The following SOCS7 variants were observed in gnomAD, a reference collection of about 807,000 sequenced individuals.
The protein encoded by SOCS7 is suppressor of cytokine signaling 7, also known as NAP-4.
A neutral mutation model predicts 58.9 loss-of-function variants in SOCS7; 18 were observed. The ratio of observed to expected loss-of-function variants is 0.31; its 90% CI spans 0.21 to 0.45. The LOEUF (loss-of-function observed/expected upper bound fraction) is 0.45. SOCS7 is among the 20% of genes least tolerant of loss of function. The pLI is 1.00. For missense variants in SOCS7, 667 were observed against 837.3 expected, an observed-to-expected ratio of 0.80 and a Z score of 2.51; for synonymous variants, 388 against 364.3, an observed-to-expected ratio of 1.06 and a Z score of -0.74.
At chr17:38,370,108 G>A (rs901445871) in intron 6 of SOCS7, among the ~76,000 whole-genome samples, 2 of 150,972 alleles carry the variant, frequency 1.3e-5, no homozygotes, top group Non-Finnish European at 3.0e-5. Flanking sequence ...AGCAATTCTT[G>A]TAACTCAACC....
intron 2 of SOCS7, among the ~76,000 whole-genome samples, chr17:38,362,044 G>A (rs1555567678): frequency 6.6e-6 from 1 of 152,122 alleles, no homozygotes; most frequent in African/African-American, 2.4e-5. Context: ...CTTAGTTCAG[G>A]GTCATCACAT....
At chr17:38,396,823 T>C (rs1421333463) in intron 9 of SOCS7, among the ~76,000 whole-genome samples, 1 of 152,234 alleles carries the variant, frequency 6.6e-6, no homozygotes, top group Non-Finnish European at 1.5e-5. Flanking sequence ...TGCTTTCTTC[T>C]GGTGTGGATC....
At chr17:38,387,133 G>GTGTGTATATATATATATATATATATATA (rs1269515665) in intron 7 of SOCS7, among the ~76,000 whole-genome samples, 8 of 73,450 alleles carry the variant, frequency 1.1e-4, no homozygotes, top group Non-Finnish European at 1.7e-4. Context: ...ATATATGTAT[G>GTGTGTATATATATATATATATATATATA]TATATATATA....
chr17:38,376,730 G>A (rs1158565442), intron 6 of SOCS7, among the ~76,000 whole-genome samples: 5 of 145,508 alleles, frequency 3.4e-5, no homozygotes, highest in Non-Finnish European at 7.5e-5. Flanking sequence ...AGACCCTGTC[G>A]CAAAAAAAAA....
Position 38,395,849 on chromosome 17 carries a change from C to A in SOCS7, c.1819C>A (p.Pro607Thr). The A allele has an allele frequency of 6.2e-7, 1 of 1,609,198 alleles. No homozygotes were observed. The highest frequency in any genetic ancestry group is 8.5e-7 in the Non-Finnish European group (1 of 1,178,736). The change falls in exon 9 of 10, where the codon CCT becomes ACT. Residue 607 changes from proline to threonine, a missense_variant and splice_region_variant. Transcript: ENST00000612932. Reference sequence around the variant, plus strand: ...ATATCCGTCATTTGTTTTTCACAGACCTCTGATCTCTTATATCCGAAAGTT... The same window carrying A: ...ATATCCGTCATTTGTTTTTCACAGAACTCTGATCTCTTATATCCGAAAGTT... Reference protein sequence around the residue: ...DHIPDLPLPKPLISYIRKFYY... With the variant: ...DHIPDLPLPKTLISYIRKFYY...
In SOCS7 at chr17:38,352,594, T is replaced by C. The variant is rs1335620772; in HGVS notation, c.542T>C (p.Leu181Pro). The C allele has an allele frequency of 6.5e-7, 1 of 1,549,892 alleles. No homozygotes were observed. The highest frequency in any genetic ancestry group is 2.4e-5 in the East Asian group (1 of 40,906). The change falls in exon 1 of 10, where the codon CTG becomes CCG. Residue 181 changes from leucine to proline, a missense_variant. Leu to Pro is a moderately conservative substitution (Grantham distance 98). Transcript: ENST00000612932. This position sits in a 1 kb window ranked among gnomAD's most constrained non-coding sequence, Gnocchi z 5.5. ...GAAACGAGCGACGCGCTGCTGGTCC[T>C]GGAGGGCTTGGAATCGGAGGCCGAG... Reference protein sequence around the residue: ...PTETSDALLVLEGLESEAESL... With the variant: ...PTETSDALLVPEGLESEAESL...
At chr17:38,389,923 A>T (rs1438816483) in intron 7 of SOCS7, among the ~76,000 whole-genome samples, 1 of 128,096 alleles carries the variant, frequency 7.8e-6, no homozygotes. Context: ...AGAGAGAGAG[A>T]GAGAGTGAGA....
intron 6 of SOCS7, among the ~76,000 whole-genome samples, chr17:38,374,521 T>A (rs1567743188): frequency 6.6e-6 from 1 of 152,088 alleles, no homozygotes; most frequent in East Asian, 1.9e-4. Context: ...GAAAAAGTTG[T>A]GAAAGCCATC....
At chr17:38,397,915 G>C (rs973538119) in intron 9 of SOCS7, among the ~76,000 whole-genome samples, 2 of 152,240 alleles carry the variant, frequency 1.3e-5, no homozygotes, top group East Asian at 3.9e-4. Context: ...TGCCATTTCA[G>C]CCGATACCCA....
At chr17:38,373,615 T>C (rs1335418270) in intron 6 of SOCS7, among the ~76,000 whole-genome samples, 1 of 152,208 alleles carries the variant, frequency 6.6e-6, no homozygotes, top group African/African-American at 2.4e-5. Flanking sequence ...AACCTTTTTT[T>C]CTGGATTGGT....
chr17:38,358,524 C>A (rs764154650), intron 1 of SOCS7, among the ~76,000 whole-genome samples: 3 of 151,868 alleles, frequency 2.0e-5, no homozygotes, highest in Admixed American at 1.3e-4. Context: ...TTACATCTTA[C>A]CCCTCCCCCA....
At chr17:38,374,995 A>G (rs2037913447) in intron 6 of SOCS7, among the ~76,000 whole-genome samples, 1 of 152,154 alleles carries the variant, frequency 6.6e-6, no homozygotes, top group African/African-American at 2.4e-5. Flanking sequence ...TGGAGGCTCA[A>G]GCCTGTAATC....
At chr17:38,373,794 G>A (rs563449914) in intron 6 of SOCS7, among the ~76,000 whole-genome samples, 1 of 152,336 alleles carries the variant, frequency 6.6e-6, no homozygotes, top group Admixed American at 6.5e-5. Flanking sequence ...CGCTAATTCA[G>A]CCTTTAGATC....
chr17:38,370,070 C>T (rs367560490), intron 6 of SOCS7, among the ~76,000 whole-genome samples: 3 of 152,034 alleles, frequency 2.0e-5, no homozygotes, highest in East Asian at 1.9e-4. Context: ...GGATTACAGG[C>T]GTGAGCCACC....
At chr17:38,395,255 G>A (rs919588881) in intron 7 of SOCS7, 54 bp from the exon 8 acceptor site, 2 of 1,591,056 alleles carry the variant, frequency 1.3e-6, no homozygotes, top group Admixed American at 3.4e-5. Flanking sequence ...ACAAGAAATG[G>A]TAGTTAGCTC....
intron 6 of SOCS7, among the ~76,000 whole-genome samples, chr17:38,371,754 G>GTTTTTTTTTTT (rs770296566): frequency 1.4e-5 from 1 of 72,196 alleles, no homozygotes; most frequent in African/African-American, 5.5e-5. Flanking sequence ...GCCCTTTTGT[G>GTTTTTTTTTTT]TTTTTTTTTT....
chr17:38,404,267 C>T lies in SOCS7; in HGVS notation c.*4785C>T, dbSNP rs1291593276. ...CTGAAAATGTTGATTCTCTAATCTG[C>T]CAGAAAAGGACCTGTCTTTTCATGC... is the stretch of plus-strand genomic sequence containing the variant. On this transcript the variant is annotated 3_prime_UTR_variant, in exon 10 of 10. Coordinates refer to ENST00000612932, the MANE Select transcript of SOCS7 (RefSeq NM_014598.4). 3 of 152,170 alleles carry T rather than the reference C, an allele frequency of 2.0e-5. No homozygotes were observed. In the East Asian group the frequency reaches 5.8e-4, roughly 29 times the overall value. 9.4% of individuals were successfully genotyped at this position (152,170 alleles called of 1,614,324 possible). A position where few individuals can be genotyped will look rare whatever the true frequency, so the allele number is the denominator to read the frequency against.
intron 7 of SOCS7, among the ~76,000 whole-genome samples, chr17:38,391,689 C>G (rs1181975808): frequency 1.3e-5 from 2 of 152,240 alleles, no homozygotes; most frequent in African/African-American, 4.8e-5. Flanking sequence ...GCGTGAGCCA[C>G]CGCACTGGGC....
intron 7 of SOCS7, among the ~76,000 whole-genome samples, chr17:38,385,479 A>G (rs1180795588): frequency 6.6e-6 from 1 of 151,116 alleles, no homozygotes; most frequent in Non-Finnish European, 1.5e-5. Flanking sequence ...AACCACAAAA[A>G]TCATATGCAT....
Sources: allele counts gnomAD v4.1 joint callset (sites outside exome capture counted in the v4.1 genomes callset), GRCh38; gene constraint gnomAD v4.1.1; non-coding constraint Gnocchi (gnomAD v3.1); transcripts MANE v1.5; gene names NCBI Gene and HGNC (gene_info 2026-07-23, HGNC 2026-07-21).